SGSM1: variants seen among roughly 807,000 people sequenced by gnomAD.
SGSM1 encodes RUN and TBC1 domain containing 2.
SGSM1 carries 73 observed loss-of-function variants against 133.8 expected under a neutral mutation model. The ratio of observed to expected loss-of-function variants is 0.55; its 90% CI spans 0.45 to 0.66. The LOEUF (loss-of-function observed/expected upper bound fraction) is 0.66. SGSM1 is among the 30% of genes least tolerant of loss of function. The pLI is 0.00. For synonymous variants in SGSM1, 563 were observed against 573.0 expected (o/e 0.98, Z 0.25); for missense variants, 1,213 against 1,448.1 (o/e 0.84, Z 2.64).
chr22:24,862,401 A>G (rs1931208012), intron 9 of SGSM1, among the ~76,000 whole-genome samples: 2 of 152,130 alleles, frequency 1.3e-5, no homozygotes, highest in Admixed American at 6.5e-5. Context: ...CTGAATCTCC[A>G]TTGTAGCATT....
At chr22:24,818,231 C>CA (rs1219131730) in intron 2 of SGSM1, among the ~76,000 whole-genome samples, 46 of 144,098 alleles carry the variant, frequency 3.2e-4, no homozygotes, top group Middle Eastern at 3.5e-3. Flanking sequence ...GACTCTGTCT[C>CA]AAAAAAAAAA....
intron 2 of SGSM1, among the ~76,000 whole-genome samples, chr22:24,829,871 A>G (rs1435951202): frequency 3.3e-5 from 5 of 152,114 alleles, no homozygotes; most frequent in East Asian, 3.9e-4. Flanking sequence ...CCAGACCACC[A>G]CTGCCCCTGG....
At position 24,926,416 on chromosome 22, in the gene SGSM1, C is replaced by G. The variant is rs1934207497; in HGVS notation, c.*2142C>G. The G allele has an allele frequency of 6.6e-6, 1 of 152,202 alleles. No homozygotes were observed. The highest frequency in any genetic ancestry group is 1.5e-5 in the Non-Finnish European group (1 of 68,048). 9.4% of individuals were successfully genotyped at this position (152,202 alleles called of 1,614,324 possible). A position where few individuals can be genotyped will look rare whatever the true frequency, so the allele number is the denominator to read the frequency against. ...ACTTACGTCTCCCTCCCCTACGTCC[C>G]CTAGCTTCCCAAGACAGGAAGAAAT... On this transcript the variant is annotated 3_prime_UTR_variant, in exon 25 of 25. Transcript: ENST00000400358.
At chr22:24,885,431 G>A (rs938863588) in intron 15 of SGSM1, among the ~76,000 whole-genome samples, 3 of 142,222 alleles carry the variant, frequency 2.1e-5, no homozygotes, top group Non-Finnish European at 3.0e-5. Context: ...CACACATTGA[G>A]CACCTTTTTT....
At chr22:24,810,369 C>G (rs1468321849) in intron 2 of SGSM1, among the ~76,000 whole-genome samples, 1 of 151,718 alleles carries the variant, frequency 6.6e-6, no homozygotes, top group Admixed American at 6.6e-5. Context: ...GTCCTCGGTA[C>G]CACCAAGAGA....
intron 2 of SGSM1, among the ~76,000 whole-genome samples, chr22:24,828,519 A>G (rs756068337): frequency 1.3e-5 from 2 of 152,206 alleles, no homozygotes; most frequent in Non-Finnish European, 2.9e-5. Context: ...AAAGCTCAAC[A>G]TCACTGGTCG....
intron 2 of SGSM1, 79 bp downstream of exon 2, chr22:24,806,563 G>C: frequency 1.4e-6 from 2 of 1,448,598 alleles, no homozygotes; most frequent in Admixed American, 3.0e-5. Flanking sequence ...TCGTGGAAGG[G>C]TGGCCTCTGG....
At chr22:24,832,902 C>A (rs191918297) in intron 2 of SGSM1, among the ~76,000 whole-genome samples, 97 of 152,086 alleles carry the variant, frequency 6.4e-4, no homozygotes, top group African/African-American at 2.1e-3. Flanking sequence ...CCCTGATCTT[C>A]ACATGATCTT....
chr22:24,892,798 C>T (rs1206011413), intron 16 of SGSM1, among the ~76,000 whole-genome samples: 1 of 150,284 alleles, frequency 6.7e-6, no homozygotes, highest in East Asian at 2.0e-4. Flanking sequence ...CCTGTAATCC[C>T]AGCACTTTGG....
chr22:24,834,840 G>A (rs1034863356), intron 2 of SGSM1, among the ~76,000 whole-genome samples: 3 of 150,890 alleles, frequency 2.0e-5, no homozygotes, highest in Non-Finnish European at 4.4e-5. Context: ...AGTCTTAGAT[G>A]TCAGGCCTGG....
intron 21 of SGSM1, 81 bp downstream of exon 21, chr22:24,905,268 ACT>A: frequency 7.3e-7 from 1 of 1,361,594 alleles, no homozygotes; most frequent in East Asian, 2.3e-5. Flanking sequence ...TCACTTTGTG[ACT>A]CTGTAGAATG....
intron 2 of SGSM1, among the ~76,000 whole-genome samples, chr22:24,819,448 A>G (rs982281150): frequency 3.3e-5 from 5 of 152,204 alleles, no homozygotes; most frequent in Admixed American, 1.3e-4. Flanking sequence ...TATATGCATT[A>G]GTGTATGTAA....
intron 20 of SGSM1, among the ~76,000 whole-genome samples, chr22:24,904,410 C>A (rs2123718552): frequency 6.6e-6 from 1 of 152,022 alleles, no homozygotes; most frequent in South Asian, 2.1e-4. Flanking sequence ...GAAATCCCAT[C>A]TCTACTAAAA....
chr22:24,890,166 T>C (rs190125326), intron 16 of SGSM1, among the ~76,000 whole-genome samples: 3,171 of 151,678 alleles, frequency 0.021, 93 homozygotes, highest in African/African-American at 0.066. Context: ...CCGTGTTAGA[T>C]AGGATGGTCT....
intron 2 of SGSM1, among the ~76,000 whole-genome samples, chr22:24,811,986 A>G (rs948717705): frequency 1.6e-4 from 24 of 152,082 alleles, no homozygotes; most frequent in Non-Finnish European, 1.5e-5. Flanking sequence ...CTGGCCCAAC[A>G]TGGTGAAACC....
intron 17 of SGSM1, 65 bp from the exon 18 acceptor site, chr22:24,895,158 G>A (rs1478495093): frequency 1.3e-6 from 2 of 1,504,412 alleles, no homozygotes; most frequent in Non-Finnish European, 1.8e-6. Context: ...CAGCCCAGCA[G>A]TCCTTCCTGC....
At chr22:24,908,530 C>T (rs1029565143) in intron 21 of SGSM1, among the ~76,000 whole-genome samples, 9 of 152,102 alleles carry the variant, frequency 5.9e-5, no homozygotes, top group South Asian at 2.1e-4. Flanking sequence ...TGGCCAGGCG[C>T]GGTGGCTCAC....
At chr22:24,913,209 C>T (rs1275260481) in intron 22 of SGSM1, among the ~76,000 whole-genome samples, 2 of 148,238 alleles carry the variant, frequency 1.3e-5, no homozygotes, top group African/African-American at 2.5e-5. Flanking sequence ...AGGAGAATGG[C>T]GTGAACCTGG....
chr22:24,877,798 CTTTCTTTTT>C (rs1424219136), intron 13 of SGSM1, among the ~76,000 whole-genome samples: 4 of 85,746 alleles, frequency 4.7e-5, no homozygotes, highest in African/African-American at 1.5e-4. Context: ...GAGATTCTTT[CTTTCTTTTT>C]TTTTTTTTTT....
Sources: gnomAD v4.1 joint callset for allele counts (sites outside exome capture counted in the v4.1 genomes callset) on GRCh38, gnomAD v4.1.1 for gene constraint, MANE v1.5 for transcripts, NCBI Gene and HGNC (gene_info 2026-07-23, HGNC 2026-07-21) for gene names.